Variants in CDH20 observed in about 807,000 individuals in gnomAD.
CDH20 encodes cadherin 20, also known as cadherin-20.
Under a neutral mutation model 74.2 loss-of-function variants are expected in CDH20, and 29 were observed. The ratio of observed to expected loss-of-function variants is 0.39; its 90% CI spans 0.29 to 0.53. The LOEUF is 0.53. CDH20 is among the 20% of genes least tolerant of loss of function. The pLI is 0.69. For synonymous variants in CDH20, 469 were observed against 405.4 expected (o/e 1.16, Z -1.88); for missense variants, 988 against 1,048.3 (o/e 0.94, Z 0.79).
intron 1 of CDH20, among the ~76,000 whole-genome samples, chr18:61,463,274 C>T (rs1030522844): frequency 2.0e-5 from 3 of 152,108 alleles, no homozygotes; most frequent in Non-Finnish European, 2.9e-5. Context: ...CACCCCATCC[C>T]GGTATCATCC....
At chr18:61,402,288 T>C (rs1485528462) in intron 1 of CDH20, among the ~76,000 whole-genome samples, 2 of 152,168 alleles carry the variant, frequency 1.3e-5, no homozygotes, top group Non-Finnish European at 2.9e-5. Context: ...AGAGGAAGGC[T>C]CATTCTTCAC....
chr18:61,540,547 T>C (rs1912995410), intron 9 of CDH20, among the ~76,000 whole-genome samples: 1 of 152,112 alleles, frequency 6.6e-6, no homozygotes, highest in Admixed American at 6.5e-5. Context: ...CTTATAAAAC[T>C]ATCAGATCTT....
In CDH20 at chr18:61,355,206, T is replaced by C. The variant is rs982917663; in HGVS notation, c.-153+21379T>C. Among the ~76,000 whole-genome samples the C allele has an allele frequency of 1.2e-4, 19 of 152,388 alleles. No homozygotes were observed. The South Asian group carries it at 1.7e-3, about 13-fold the overall frequency. On this transcript the variant is annotated intron_variant, in intron 1 of 11. Coordinates refer to ENST00000262717, the MANE Select transcript of CDH20 (RefSeq NM_031891.4). ...ATCATGAGAAATAAAATATTTTGCTTAAGTTCAAATTATTCTACTGTTTTT... is the reference window on the plus strand; with the variant it reads ...ATCATGAGAAATAAAATATTTTGCTCAAGTTCAAATTATTCTACTGTTTTT...
chr18:61,409,634 A>G (rs1418831737), intron 1 of CDH20, among the ~76,000 whole-genome samples: 1 of 152,214 alleles, frequency 6.6e-6, no homozygotes, highest in Non-Finnish European at 1.5e-5. Flanking sequence ...TAAAGCTTTT[A>G]ATACAAAGCT....
intron 1 of CDH20, among the ~76,000 whole-genome samples, chr18:61,447,460 T>TA (rs1909239970): frequency 6.6e-6 from 1 of 152,182 alleles, no homozygotes; most frequent in Non-Finnish European, 1.5e-5. Context: ...TCAAGAGATC[T>TA]AAGAGAAAAT....
intron 1 of CDH20, among the ~76,000 whole-genome samples, chr18:61,350,302 T>C (rs1165801517): frequency 6.6e-6 from 1 of 152,128 alleles, no homozygotes; most frequent in African/African-American, 2.4e-5. Context: ...CTATAAAAAA[T>C]TATTGCTGAT....
chr18:61,369,747 T>A (rs1910968755), intron 1 of CDH20, among the ~76,000 whole-genome samples: 1 of 152,128 alleles, frequency 6.6e-6, no homozygotes, highest in Non-Finnish European at 1.5e-5. Flanking sequence ...AAGAATGAGA[T>A]CATTGTCCTT....
At chr18:61,491,105 A>G (rs561060475) in intron 2 of CDH20, among the ~76,000 whole-genome samples, 10 of 152,350 alleles carry the variant, frequency 6.6e-5, no homozygotes, top group African/African-American at 2.4e-4. Flanking sequence ...CTGTCTGGGA[A>G]TGACAGAATG....
chr18:61,402,815 A>AT (rs1156691780), intron 1 of CDH20, among the ~76,000 whole-genome samples: 29 of 152,110 alleles, frequency 1.9e-4, no homozygotes, highest in Admixed American at 1.8e-3. Context: ...AAACTTGAAC[A>AT]TTTTTTTACA....
intron 4 of CDH20, among the ~76,000 whole-genome samples, chr18:61,501,310 AAT>A (rs1207616777): frequency 9.2e-5 from 14 of 152,004 alleles, no homozygotes; most frequent in Non-Finnish European, 1.8e-4. Context: ...GATTTCATTT[AAT>A]ATGTTTGAGC....
intron 7 of CDH20, among the ~76,000 whole-genome samples, chr18:61,531,970 T>C (rs1424118096): frequency 6.6e-6 from 1 of 152,232 alleles, no homozygotes. Context: ...CTTGGGTATG[T>C]CTTTATTAGC....
chr18:61,491,827 T>A (rs766759283), intron 2 of CDH20, among the ~76,000 whole-genome samples: 35 of 151,990 alleles, frequency 2.3e-4, no homozygotes, highest in Non-Finnish European at 4.6e-4. Context: ...GACCTGTCTC[T>A]CCTTGACTCA....
At chr18:61,379,571 T>C (rs887940549) in intron 1 of CDH20, among the ~76,000 whole-genome samples, 2 of 152,204 alleles carry the variant, frequency 1.3e-5, no homozygotes, top group African/African-American at 4.8e-5. Flanking sequence ...GTATCTATTA[T>C]TAACTGATAA....
intron 1 of CDH20, among the ~76,000 whole-genome samples, chr18:61,376,136 CT>C (rs1458330181): frequency 1.9e-4 from 29 of 152,060 alleles, no homozygotes; most frequent in African/African-American, 5.5e-4. Flanking sequence ...TTTGAGCCCC[CT>C]AGTAGTCTAG....
intron 1 of CDH20, among the ~76,000 whole-genome samples, chr18:61,440,237 T>A (rs1370856879): frequency 4.6e-5 from 7 of 152,180 alleles, no homozygotes; most frequent in Admixed American, 3.3e-4. Flanking sequence ...TAAGTAGGCA[T>A]GATACAAGAA....
chr18:61,436,209 A>G (rs2066791148), intron 1 of CDH20, among the ~76,000 whole-genome samples: 1 of 152,198 alleles, frequency 6.6e-6, no homozygotes, highest in Admixed American at 6.5e-5. Context: ...TTTGGCTATT[A>G]TGAATAGCAC....
intron 1 of CDH20, among the ~76,000 whole-genome samples, chr18:61,372,751 G>T (rs530386446): frequency 6.6e-6 from 1 of 152,226 alleles, no homozygotes; most frequent in Admixed American, 6.5e-5. Flanking sequence ...CTTTTGTTCT[G>T]TAACTGCAGA....
intron 5 of CDH20, among the ~76,000 whole-genome samples, chr18:61,503,974 A>G (rs1911474238): frequency 6.6e-6 from 1 of 152,218 alleles, no homozygotes; most frequent in Admixed American, 6.5e-5. Flanking sequence ...AAAGCTGTAT[A>G]CAGACAAAAC....
chr18:61,435,744 T>C (rs555820258), intron 1 of CDH20, among the ~76,000 whole-genome samples: 2 of 150,236 alleles, frequency 1.3e-5, no homozygotes, highest in African/African-American at 4.9e-5. Flanking sequence ...ATAAAAAATA[T>C]ATTTATGTAT....
Sources: gnomAD v4.1 joint callset for allele counts (sites outside exome capture counted in the v4.1 genomes callset) on GRCh38, gnomAD v4.1.1 for gene constraint, MANE v1.5 for transcripts, NCBI Gene and HGNC (gene_info 2026-07-23, HGNC 2026-07-21) for gene names.